Variants in TENM3 observed in about 807,000 individuals in gnomAD.
The protein encoded by TENM3 is teneurin-3.
A neutral mutation model predicts 255.1 loss-of-function variants in TENM3; 63 were observed. The ratio of observed to expected loss-of-function variants is 0.25; its 90% confidence interval spans 0.20 to 0.30. TENM3 has a LOEUF of 0.30. TENM3 is among the 10% of genes least tolerant of loss of function. The probability of loss-of-function intolerance (pLI) is 1.00; values close to 1 mark genes in which losing one functional copy is unlikely to be tolerated. For missense variants in TENM3, 2,929 were observed against 3,461.1 expected (o/e 0.85, Z 3.86); for synonymous variants, 1,306 against 1,322.3 (o/e 0.99, Z 0.27).
intron 1 of TENM3, among the ~76,000 whole-genome samples, chr4:182,236,802 G>T (rs371433354): frequency 6.6e-6 from 1 of 152,130 alleles, no homozygotes; most frequent in South Asian, 2.1e-4. Flanking sequence ...ACTGAGATTT[G>T]CTGTGTATTC....
At chr4:182,276,536 G>A (rs1760012525) in intron 1 of TENM3, among the ~76,000 whole-genome samples, 1 of 152,178 alleles carries the variant, frequency 6.6e-6, no homozygotes, top group South Asian at 2.1e-4. Flanking sequence ...CCAAGAATCA[G>A]TAAACATTAT....
chr4:181,886,001 C>A, the TENM3 span, among the ~76,000 whole-genome samples: 1 of 149,970 alleles, frequency 6.7e-6, no homozygotes, highest in Non-Finnish European at 1.5e-5. Flanking sequence ...GGAAAAAGAT[C>A]TGGCAGCATT....
intron 6 of TENM3, among the ~76,000 whole-genome samples, chr4:182,667,534 C>T (rs550368309): frequency 2.0e-5 from 3 of 152,116 alleles, no homozygotes; most frequent in Admixed American, 1.3e-4. Flanking sequence ...TTTTTCAGTT[C>T]GAATAAATTA....
chr4:182,138,682 T>C, the TENM3 span, among the ~76,000 whole-genome samples: 1 of 152,236 alleles, frequency 6.6e-6, no homozygotes, highest in Non-Finnish European at 1.5e-5. Context: ...TCATATTTAA[T>C]ATAAAAACAT....
In TENM3 at chr4:182,152,983, T is replaced by C. The variant is rs1750448262; in HGVS notation, c.-76+8229T>C. Among the ~76,000 whole-genome samples the C allele has an allele frequency of 1.3e-5, 2 of 151,892 alleles. 1 individual carries two copies. The highest frequency in any genetic ancestry group is 4.1e-4 in the South Asian group (2 of 4,832). On this transcript the variant is annotated intron_variant, in intron 1 of 2. Coordinates refer to the TENM3 transcript ENST00000512480. ...TTTTATATATTTTGAGATTCAAATATTGATTTACTAAAGATGCATATAAAG... is the reference window on the plus strand; with the variant it reads ...TTTTATATATTTTGAGATTCAAATACTGATTTACTAAAGATGCATATAAAG...
chr4:181,632,548 T>C, the TENM3 span, among the ~76,000 whole-genome samples: 1 of 152,116 alleles, frequency 6.6e-6, no homozygotes, highest in Non-Finnish European at 1.5e-5. Context: ...TATGGGAAAA[T>C]GAGAGGAGAT....
chr4:181,921,441 C>G, the TENM3 span, among the ~76,000 whole-genome samples: 24 of 152,198 alleles, frequency 1.6e-4, no homozygotes, highest in East Asian at 1.7e-3. Context: ...CCTTGAAGAG[C>G]TCCTTCACGT....
the TENM3 span, among the ~76,000 whole-genome samples, chr4:181,464,558 T>C: frequency 4.6e-5 from 7 of 152,230 alleles, no homozygotes; most frequent in Non-Finnish European, 8.8e-5. Context: ...AGTTCCCTTA[T>C]CACATATATG....
At chr4:181,600,586 T>C in the TENM3 span, among the ~76,000 whole-genome samples, 8 of 151,784 alleles carry the variant, frequency 5.3e-5, no homozygotes, top group East Asian at 3.9e-4. Context: ...CTCTCAAAAC[T>C]GCCTAAGGGA....
intron 1 of TENM3, among the ~76,000 whole-genome samples, chr4:182,308,448 C>T (rs1345194450): frequency 2.0e-5 from 3 of 152,032 alleles, no homozygotes; most frequent in Non-Finnish European, 4.4e-5. Context: ...TTCTGAGTAG[C>T]TAGGCCTACA....
In TENM3 at chr4:182,431,580, A is replaced by C. The variant is rs150368006; in HGVS notation, c.511+84651A>C. On this transcript the variant is annotated intron_variant, in intron 3 of 27. Coordinates refer to ENST00000511685, the MANE Select transcript of TENM3 (RefSeq NM_001080477.4). Reference sequence around the variant, plus strand: ...GCATCAGGATTTGATAATGGATTTTACGTAGGACTTGGAGGAAAGACAATT... The same window carrying C: ...GCATCAGGATTTGATAATGGATTTTCCGTAGGACTTGGAGGAAAGACAATT... 2.2e-4 allele frequency among the ~76,000 whole-genome samples: 33 copies of C among 152,332 alleles called. No homozygotes were observed. In the East Asian group the frequency reaches 5.4e-3, roughly 25 times the overall value.
At chr4:181,483,981 T>G in the TENM3 span, among the ~76,000 whole-genome samples, 1 of 152,194 alleles carries the variant, frequency 6.6e-6, no homozygotes, top group African/African-American at 2.4e-5. Flanking sequence ...GTTCACAAAC[T>G]TTAAGCTATT....
At chr4:181,970,902 T>A in the TENM3 span, among the ~76,000 whole-genome samples, 1 of 152,186 alleles carries the variant, frequency 6.6e-6, no homozygotes, top group South Asian at 2.1e-4. Context: ...TAGGAAAGAT[T>A]TTTATTAAGC....
At chr4:181,737,207 G>A in the TENM3 span, among the ~76,000 whole-genome samples, 1 of 152,036 alleles carries the variant, frequency 6.6e-6, no homozygotes, top group African/African-American at 2.4e-5. Context: ...AATTTAACCC[G>A]AACTTCCACT....
chr4:182,723,433 A>C (rs1483756862), intron 13 of TENM3, among the ~76,000 whole-genome samples: 1 of 152,198 alleles, frequency 6.6e-6, no homozygotes, highest in Non-Finnish European at 1.5e-5. Context: ...CGAAGTACCA[A>C]ATACTGTGGG....
At chr4:181,912,834 T>A in the TENM3 span, among the ~76,000 whole-genome samples, 5 of 151,526 alleles carry the variant, frequency 3.3e-5, no homozygotes, top group African/African-American at 1.2e-4. Flanking sequence ...AGCTCAGGAT[T>A]TTGAATCTCT....
chr4:182,192,985 T>C (rs1753614314), intron 1 of TENM3, among the ~76,000 whole-genome samples: 1 of 152,184 alleles, frequency 6.6e-6, no homozygotes, highest in Admixed American at 6.5e-5. Flanking sequence ...GAACCAGCAA[T>C]TACTCACCTA....
the TENM3 span, among the ~76,000 whole-genome samples, chr4:182,074,850 G>A: frequency 3.3e-5 from 5 of 152,056 alleles, no homozygotes; most frequent in Admixed American, 3.3e-4. Context: ...TGAAGGAGGT[G>A]GATCTTCAGA....
the TENM3 span, chr4:182,012,841 C>T: frequency 6.6e-6 from 1 of 152,108 alleles, no homozygotes; most frequent in Non-Finnish European, 1.5e-5. Flanking sequence ...TACAGAAGCA[C>T]TTCAGTAATG....
Sources: allele counts gnomAD v4.1 joint callset (sites outside exome capture counted in the v4.1 genomes callset), GRCh38; gene constraint gnomAD v4.1.1; transcripts MANE v1.5; gene names NCBI Gene and HGNC (gene_info 2026-07-23, HGNC 2026-07-21).